CNTN6: variants seen among roughly 807,000 people sequenced by gnomAD.
CNTN6 encodes the protein contactin-6.
A neutral mutation model predicts 122.8 loss-of-function variants in CNTN6; 137 were observed. That is an observed-to-expected ratio of 1.12 (90% CI 0.97 to 1.29). CNTN6 has a LOEUF of 1.29. Among genes scored for constraint, CNTN6 ranks in the 50% most tolerant of loss-of-function variants. The pLI, the probability that CNTN6 is intolerant of heterozygous loss-of-function variation, is 0.00. For synonymous variants in CNTN6, 570 were observed against 426.0 expected (o/e 1.34, Z -4.16); for missense variants, 1,634 against 1,223.4 (o/e 1.34, Z -5.01).
intron 7 of CNTN6, among the ~76,000 whole-genome samples, chr3:1,299,437 A>T (rs1234727315): frequency 6.6e-6 from 1 of 152,200 alleles, no homozygotes; most frequent in Non-Finnish European, 1.5e-5. Flanking sequence ...TCCTGAAATT[A>T]AAAAATGGTC....
chr3:1,104,247 A>G (rs909385199), intron 1 of CNTN6, among the ~76,000 whole-genome samples: 41 of 152,164 alleles, frequency 2.7e-4, no homozygotes, highest in African/African-American at 9.4e-4. Flanking sequence ...ATTTAATTCC[A>G]AGATGATTAT....
chr3:1,098,787 C>CATGT (rs1241583874), intron 1 of CNTN6, among the ~76,000 whole-genome samples: 1 of 55,686 alleles, frequency 1.8e-5, no homozygotes, highest in East Asian at 6.0e-4. Context: ...CACACACACA[C>CATGT]ACATATATAT....
intron 2 of CNTN6, among the ~76,000 whole-genome samples, chr3:1,193,076 G>A (rs1559487828): frequency 6.6e-6 from 1 of 152,170 alleles, no homozygotes; most frequent in Non-Finnish European, 1.5e-5. Context: ...TTTGCCTGAA[G>A]TTGCTGTGTT....
intron 2 of CNTN6, among the ~76,000 whole-genome samples, chr3:1,192,468 T>C (rs900234382): frequency 7.9e-5 from 12 of 152,138 alleles, no homozygotes; most frequent in Admixed American, 2.6e-4. Context: ...TATACATTAT[T>C]TGCAGCATTT....
intron 4 of CNTN6, among the ~76,000 whole-genome samples, chr3:1,261,979 A>G (rs187942828): frequency 2.2e-4 from 34 of 152,300 alleles, no homozygotes; most frequent in Admixed American, 8.5e-4. Flanking sequence ...ATTACTGGAT[A>G]TGCGACTGGA....
At chr3:1,348,356 A>G (rs1705087950) in intron 11 of CNTN6, among the ~76,000 whole-genome samples, 1 of 151,944 alleles carries the variant, frequency 6.6e-6, no homozygotes, top group Non-Finnish European at 1.5e-5. Context: ...TAGCATGACC[A>G]TTATTAGTAC....
intron 1 of CNTN6, among the ~76,000 whole-genome samples, chr3:1,120,706 G>A (rs2091917174): frequency 1.3e-5 from 2 of 151,632 alleles, no homozygotes; most frequent in African/African-American, 2.4e-5. Context: ...CTTATCCCAA[G>A]GTCACAAATA....
intron 4 of CNTN6, among the ~76,000 whole-genome samples, chr3:1,269,363 T>C (rs1051579902): frequency 2.6e-5 from 4 of 152,246 alleles, no homozygotes; most frequent in African/African-American, 9.6e-5. Context: ...CTATTTTGCA[T>C]GCTACCTACA....
At chr3:1,096,875 T>G (rs1296963296) in intron 1 of CNTN6, among the ~76,000 whole-genome samples, 1 of 151,976 alleles carries the variant, frequency 6.6e-6, no homozygotes, top group African/African-American at 2.4e-5. Flanking sequence ...AGACGGAGGG[T>G]TTTTGCTTCG....
intron 17 of CNTN6, among the ~76,000 whole-genome samples, chr3:1,377,664 G>A (rs1710073518): frequency 6.6e-6 from 1 of 152,102 alleles, no homozygotes. Context: ...CTCATTTTCA[G>A]TATCTCAGTG....
chr3:1,304,986 T>TG (rs1575624859), intron 7 of CNTN6, among the ~76,000 whole-genome samples: 1 of 29,148 alleles, frequency 3.4e-5, no homozygotes, highest in South Asian at 1.7e-3. Context: ...TGAGACTCTG[T>TG]CAAAAAAAAA....
chr3:1,272,521 T>C (rs1350363655), intron 4 of CNTN6, among the ~76,000 whole-genome samples: 1 of 147,830 alleles, frequency 6.8e-6, no homozygotes, highest in African/African-American at 2.5e-5. Flanking sequence ...AATTCATACA[T>C]AGTAAATGGG....
intron 11 of CNTN6, among the ~76,000 whole-genome samples, chr3:1,339,535 T>C (rs752415561): frequency 2.0e-5 from 3 of 152,102 alleles, no homozygotes; most frequent in Non-Finnish European, 2.9e-5. Flanking sequence ...GTGAGGGCAA[T>C]TCACTAACTT....
chr3:1,219,897 G>C (rs559137697), intron 2 of CNTN6, among the ~76,000 whole-genome samples: 4 of 151,934 alleles, frequency 2.6e-5, no homozygotes, highest in South Asian at 2.1e-4. Flanking sequence ...ATTAACCCAG[G>C]AGGGCTAGGT....
intron 2 of CNTN6, among the ~76,000 whole-genome samples, chr3:1,189,042 A>AAAAAC (rs200979584): frequency 1.2e-4 from 18 of 152,320 alleles, no homozygotes; most frequent in African/African-American, 3.4e-4. Context: ...ATTTGCTGAT[A>AAAAAC]AAAACAAAAC....
At chr3:1,311,338 A>T (rs1005192649) in intron 7 of CNTN6, among the ~76,000 whole-genome samples, 6 of 139,532 alleles carry the variant, frequency 4.3e-5, no homozygotes, top group Non-Finnish European at 9.2e-5. Flanking sequence ...ATATATGTAC[A>T]TATAAAATGT....
chr3:1,336,563 T>C (rs1703094272), intron 11 of CNTN6, among the ~76,000 whole-genome samples: 1 of 152,152 alleles, frequency 6.6e-6, no homozygotes, highest in African/African-American at 2.4e-5. Context: ...TTTATCTACT[T>C]ACTCCAAGTA....
chr3:1,275,205 A>G (rs1029048720), intron 4 of CNTN6, among the ~76,000 whole-genome samples: 1 of 152,084 alleles, frequency 6.6e-6, no homozygotes, highest in Admixed American at 6.6e-5. Flanking sequence ...CATTGATTTC[A>G]GCATAGTGGC....
intron 2 of CNTN6, among the ~76,000 whole-genome samples, chr3:1,188,400 G>A (rs3772359): frequency 0.21 from 31,796 of 152,076 alleles, 3,768 homozygotes; most frequent in African/African-American, 0.32. Context: ...AATTAGCAAG[G>A]ACTTTAACTC....
Sources: gnomAD v4.1 joint callset for allele counts (sites outside exome capture counted in the v4.1 genomes callset) on GRCh38, gnomAD v4.1.1 for gene constraint, MANE v1.5 for transcripts, NCBI Gene and HGNC (gene_info 2026-07-23, HGNC 2026-07-21) for gene names.